The following ARID5B variants were observed in gnomAD, a reference collection of about 807,000 sequenced individuals.
The protein encoded by ARID5B is AT-rich interaction domain 5B, also known as AT-rich interactive domain-containing protein 5B.
Under a neutral mutation model 97.2 loss-of-function variants are expected in ARID5B, and 13 were observed. The observed-to-expected ratio is 0.13, with a 90% CI of 0.09 to 0.21. ARID5B has a LOEUF of 0.21. Ranked by LOEUF, ARID5B falls within the 10% of genes least tolerant of loss-of-function variation. The pLI, the probability that ARID5B is intolerant of heterozygous loss-of-function variation, is 1.00. For missense variants in ARID5B, 1,210 were observed against 1,465.3 expected (o/e 0.83, Z 2.84); for synonymous variants, 556 against 570.3 (o/e 0.97, Z 0.36).
Position 62,017,466 on chromosome 10 carries a change from G to A in ARID5B, c.733+17145G>A, listed in dbSNP as rs77198690. 8.8e-3 allele frequency among the ~76,000 whole-genome samples: 1,338 copies of A among 151,384 alleles called. 25 individuals are homozygous for A. The highest frequency in any genetic ancestry group is 0.031 in the African/African-American group (1,280 of 41,320). ...GACCCCGTCTCGAAAAAAAAAATAA[G>A]TCATGGTATTTTGTTTTGTTCTGCT... On this transcript the variant is annotated intron_variant, in intron 4 of 9. Coordinates refer to ENST00000279873, the MANE Select transcript of ARID5B (RefSeq NM_032199.3).
At chr10:61,964,931 T>C (rs1419203953) in intron 3 of ARID5B, among the ~76,000 whole-genome samples, 4 of 152,208 alleles carry the variant, frequency 2.6e-5, no homozygotes, top group Non-Finnish European at 5.9e-5. Context: ...ATGAAGTTCT[T>C]GGGAAGAAAA....
At chr10:62,019,642 G>A (rs1039197523) in intron 4 of ARID5B, among the ~76,000 whole-genome samples, 2 of 152,182 alleles carry the variant, frequency 1.3e-5, no homozygotes, top group Non-Finnish European at 2.9e-5. Context: ...GTCAGCACTT[G>A]AGGCTGTCTT....
intron 2 of ARID5B, among the ~76,000 whole-genome samples, chr10:61,921,360 G>T (rs182291388): frequency 5.9e-3 from 900 of 152,290 alleles, no homozygotes; most frequent in Middle Eastern, 0.031. Flanking sequence ...GTAGAGGGAG[G>T]ATCTATTAAT....
rs76847711 is a variant in ARID5B, at chr10:61,945,065, G to A, written c.502+4657G>A. The stretch of plus-strand genomic sequence containing the variant: ...ACTTTTTGGGAGTCAACAGCATGGT[G>A]GGGTTAAAAGAGCAGAGGGTGGGCT... On this transcript the variant is annotated intron_variant, in intron 3 of 9. Coordinates refer to ENST00000279873, the MANE Select transcript of ARID5B (RefSeq NM_032199.3). Among the ~76,000 whole-genome samples, 732 of 152,238 alleles carry A rather than the reference G, an allele frequency of 4.8e-3. 4 individuals carry two copies. The highest frequency in any genetic ancestry group is 8.2e-3 in the Non-Finnish European group (557 of 68,024).
At chr10:62,054,460 T>C (rs1449180710) in intron 5 of ARID5B, among the ~76,000 whole-genome samples, 1 of 152,180 alleles carries the variant, frequency 6.6e-6, no homozygotes, top group East Asian at 1.9e-4. Context: ...TCTTACTAAG[T>C]ACCTGGCCTC....
chr10:62,040,129 C>T lies in ARID5B; in HGVS notation c.734-10759C>T, dbSNP rs188363678. ...ATAATTAGCTAGTTCCTTCCCCTCT[C>T]TCTCTCCATTCTCACTCTCTCTCTC... is the stretch of plus-strand genomic sequence containing the variant. On this transcript the variant is annotated intron_variant, in intron 4 of 9. Transcript: ENST00000279873. 5.4e-3 allele frequency among the ~76,000 whole-genome samples: 813 copies of T among 151,624 alleles called. 5 individuals carry two copies. Among genetic ancestry groups the T allele is most frequent in the African/African-American group, 0.019 (789 of 41,564 alleles).
chr10:62,003,119 T>C (rs1839101989), intron 4 of ARID5B, among the ~76,000 whole-genome samples: 1 of 152,226 alleles, frequency 6.6e-6, no homozygotes, highest in Non-Finnish European at 1.5e-5. Context: ...AATATACTTT[T>C]TGCTTTCTTC....
intron 4 of ARID5B, among the ~76,000 whole-genome samples, chr10:62,023,551 G>T (rs1839382617): frequency 6.6e-6 from 1 of 152,170 alleles, no homozygotes. Flanking sequence ...TCAGTGAAAG[G>T]TTGATTTGGA....
chr10:61,943,761 G>T (rs1467452500), intron 3 of ARID5B, among the ~76,000 whole-genome samples: 2 of 151,258 alleles, frequency 1.3e-5, no homozygotes, highest in East Asian at 3.9e-4. Context: ...AAACAAGAAT[G>T]TTCTCACAAA....
At chr10:61,956,480 C>A (rs978315745) in intron 3 of ARID5B, among the ~76,000 whole-genome samples, 2 of 152,212 alleles carry the variant, frequency 1.3e-5, no homozygotes, top group Non-Finnish European at 2.9e-5. Flanking sequence ...GTTTCCAGTT[C>A]TATTCTTATA....
At chr10:62,002,860 C>T (rs1342885524) in intron 4 of ARID5B, among the ~76,000 whole-genome samples, 6 of 152,112 alleles carry the variant, frequency 3.9e-5, no homozygotes, top group Admixed American at 6.6e-5. Context: ...CTGTACCACA[C>T]GTTTGGTGAC....
rs1177645299 is a variant in ARID5B at position 62,091,707 on chromosome 10, G to A, written c.2244G>A (p.Arg748=). The A allele has an allele frequency of 2.7e-5, 43 of 1,613,898 alleles. No homozygotes were observed. Among genetic ancestry groups the A allele is most frequent in the Non-Finnish European group, 3.6e-5 (42 of 1,180,026 alleles). Residue 748 remains arginine, a synonymous_variant, in exon 10 of 10, where the codon CGG becomes CGA. Coordinates refer to ENST00000279873, the MANE Select transcript of ARID5B (RefSeq NM_032199.3). ...GQSTDHMAVS[R]PSVIQHVQSF... ...GCACTGACCATATGGCGGTCAGCCG[G>A]CCATCAGTGATTCAGCACGTCCAGA... is the stretch of plus-strand genomic sequence containing the variant.
chr10:61,967,462 G>A (rs1463523046), intron 3 of ARID5B, among the ~76,000 whole-genome samples: 2 of 152,198 alleles, frequency 1.3e-5, no homozygotes, highest in African/African-American at 2.4e-5. Context: ...TTCTTTGTGT[G>A]TGAACACAGG....
chr10:62,072,434 A>T (rs893681825), intron 8 of ARID5B, among the ~76,000 whole-genome samples: 8 of 152,238 alleles, frequency 5.3e-5, no homozygotes, highest in South Asian at 2.1e-4. Context: ...GACAAAAGGG[A>T]TGTGTAATTT....
chr10:62,001,334 C>T (rs542614650), intron 4 of ARID5B, among the ~76,000 whole-genome samples: 6 of 152,150 alleles, frequency 3.9e-5, no homozygotes, highest in Admixed American at 1.3e-4. Context: ...GATGGCTGAG[C>T]CCTGCTGAAT....
chr10:61,994,289 T>C (rs1453330727), intron 3 of ARID5B, among the ~76,000 whole-genome samples: 1 of 152,046 alleles, frequency 6.6e-6, no homozygotes, highest in Non-Finnish European at 1.5e-5. Flanking sequence ...ATGTTAGAAG[T>C]AGATTATAGT....
At chr10:62,066,954 A>C (rs986211247) in intron 7 of ARID5B, among the ~76,000 whole-genome samples, 58 of 152,270 alleles carry the variant, frequency 3.8e-4, no homozygotes, top group Non-Finnish European at 7.9e-4. Context: ...TCCCAGCTGT[A>C]ACATTTGTTA....
At chr10:61,975,885 C>T (rs1216847224) in intron 3 of ARID5B, among the ~76,000 whole-genome samples, 8 of 152,120 alleles carry the variant, frequency 5.3e-5, no homozygotes, top group Non-Finnish European at 1.2e-4. Context: ...AAACAATTTT[C>T]CAATTATAGC....
intron 4 of ARID5B, among the ~76,000 whole-genome samples, chr10:62,046,112 G>C (rs1011396100): frequency 1.3e-5 from 2 of 152,172 alleles, no homozygotes; most frequent in African/African-American, 2.4e-5. Flanking sequence ...TGCAAAATGG[G>C]AAGGAAGAGT....
Sources: gnomAD v4.1 joint callset for allele counts (sites outside exome capture counted in the v4.1 genomes callset) on GRCh38, gnomAD v4.1.1 for gene constraint, MANE v1.5 for transcripts, NCBI Gene and HGNC (gene_info 2026-07-23, HGNC 2026-07-21) for gene names.